Variants in EBF2 observed in about 807,000 individuals in gnomAD.
EBF2 encodes the protein transcription factor COE2.
A neutral mutation model predicts 72.8 loss-of-function variants in EBF2; 21 were observed. The ratio of observed to expected loss-of-function variants is 0.29; its 90% CI spans 0.20 to 0.42. The LOEUF (loss-of-function observed/expected upper bound fraction) is 0.42. Ranked by LOEUF, EBF2 falls within the 10% of genes least tolerant of loss-of-function variation. The probability of loss-of-function intolerance (pLI) is 1.00; values close to 1 mark genes in which losing one functional copy is unlikely to be tolerated. For missense variants in EBF2, 637 were observed against 731.2 expected, an observed-to-expected ratio of 0.87 and a Z score of 1.49; for synonymous variants, 299 against 274.2, an observed-to-expected ratio of 1.09 and a Z score of -0.89.
At chr8:25,964,581 G>A (rs1804085656) in intron 6 of EBF2, among the ~76,000 whole-genome samples, 1 of 152,162 alleles carries the variant, frequency 6.6e-6, no homozygotes, top group Non-Finnish European at 1.5e-5. Flanking sequence ...TGTTTAATGG[G>A]AGCGCCACAT....
At chr8:25,945,088 G>GCCCCCCCCCCCCCCCCCCCCCCC (rs11461828) in intron 6 of EBF2, among the ~76,000 whole-genome samples, 1 of 127,380 alleles carries the variant, frequency 7.9e-6, no homozygotes, top group Non-Finnish European at 1.6e-5. Context: ...TTGTTCTGTT[G>GCCCCCCCCCCCCCCCCCCCCCCC]CCCCCCCCGC....
chr8:25,934,128 A>C (rs915225793), intron 6 of EBF2, among the ~76,000 whole-genome samples: 1 of 151,750 alleles, frequency 6.6e-6, no homozygotes, highest in Non-Finnish European at 1.5e-5. Context: ...ATGGAAGTGC[A>C]CCTCCCTTTG....
At chr8:25,874,218 C>G (rs1161235002) in intron 10 of EBF2, among the ~76,000 whole-genome samples, 2 of 152,022 alleles carry the variant, frequency 1.3e-5, no homozygotes, top group African/African-American at 4.8e-5. Flanking sequence ...ATTTGAAATC[C>G]AGTTTGCACA....
chr8:26,020,697 T>A (rs1274321848), intron 6 of EBF2, among the ~76,000 whole-genome samples: 1 of 152,130 alleles, frequency 6.6e-6, no homozygotes, highest in Non-Finnish European at 1.5e-5. Flanking sequence ...TGGGGTTAAC[T>A]TTGCTGTCCC....
intron 10 of EBF2, among the ~76,000 whole-genome samples, chr8:25,866,462 T>A (rs1312101050): frequency 7.0e-5 from 10 of 142,462 alleles, no homozygotes; most frequent in East Asian, 5.9e-4. Context: ...ATATATATAA[T>A]ATATAGGATA....
At chr8:25,983,423 T>C (rs565708047) in intron 6 of EBF2, among the ~76,000 whole-genome samples, 28 of 152,346 alleles carry the variant, frequency 1.8e-4, no homozygotes, top group African/African-American at 6.3e-4. Flanking sequence ...TTCCAGACTT[T>C]TTTGTTTTGT....
intron 1 of EBF2, 82 bp from the exon 2 acceptor site, chr8:26,042,333 G>GAGGGGTA: frequency 6.7e-7 from 1 of 1,487,594 alleles, no homozygotes; most frequent in Non-Finnish European, 9.0e-7. Flanking sequence ...CAACACTGCA[G>GAGGGGTA]AGGGGTAAGG....
rs144885548 is a variant in EBF2 at position 25,844,167 on chromosome 8, A to G, written c.*442T>C. On this transcript the variant is annotated 3_prime_UTR_variant, in exon 16 of 16. Coordinates refer to ENST00000520164, the MANE Select transcript of EBF2 (RefSeq NM_022659.4). Reference sequence around the variant, plus strand: ...TCCGTGCTGGTACCCTGTTTTGTTCAATTTTTTTCTGCATAAACTAAATTG... The same window carrying G: ...TCCGTGCTGGTACCCTGTTTTGTTCGATTTTTTTCTGCATAAACTAAATTG... The G allele has an allele frequency of 8.5e-3, 1,326 of 156,116 alleles. 19 individuals carry two copies. The highest frequency in any genetic ancestry group is 0.03 in the African/African-American group (1,262 of 41,588). The allele number at this position is 156,116 out of a possible 1,614,324, so 9.7% of individuals were successfully genotyped here.
chr8:25,963,486 G>C (rs1804068937), intron 6 of EBF2, among the ~76,000 whole-genome samples: 2 of 152,272 alleles, frequency 1.3e-5, no homozygotes, highest in South Asian at 4.2e-4. Context: ...CAAAGCCCCG[G>C]TGCTGTCCTT....
chr8:25,987,281 G>A (rs118091868), intron 6 of EBF2, among the ~76,000 whole-genome samples: 2,334 of 152,238 alleles, frequency 0.015, 30 homozygotes, highest in Middle Eastern at 0.024. Flanking sequence ...CATGTATTGA[G>A]ACCTTAACTG....
At chr8:25,965,694 G>A (rs570737323) in intron 6 of EBF2, among the ~76,000 whole-genome samples, 2 of 152,274 alleles carry the variant, frequency 1.3e-5, no homozygotes, top group African/African-American at 4.8e-5. Flanking sequence ...AAGGCCACCA[G>A]AAGACATTAG....
chr8:25,902,310 AC>A (rs1802967172), intron 7 of EBF2, among the ~76,000 whole-genome samples: 1 of 152,052 alleles, frequency 6.6e-6, no homozygotes, highest in South Asian at 2.1e-4. Context: ...AACTAGACAT[AC>A]ATTTCTTTTC....
chr8:25,999,698 C>T (rs1254488644), intron 6 of EBF2, among the ~76,000 whole-genome samples: 1 of 151,746 alleles, frequency 6.6e-6, no homozygotes, highest in Non-Finnish European at 1.5e-5. Flanking sequence ...TCCACACACG[C>T]CCTCTCCTGT....
At chr8:25,908,339 GTT>G in intron 7 of EBF2, 133 bp downstream of exon 7, 1 of 670,686 alleles carries the variant, frequency 1.5e-6, no homozygotes. Context: ...GAGGGTCATC[GTT>G]TACCATTGTC....
intron 6 of EBF2, among the ~76,000 whole-genome samples, chr8:25,917,235 C>G (rs1248372848): frequency 6.7e-5 from 10 of 148,778 alleles, no homozygotes; most frequent in African/African-American, 9.9e-5. Context: ...TATATTCAGA[C>G]GCATCTTCAT....
In EBF2 at chr8:25,858,678, G is replaced by GAGAT. The variant is rs1242438532; in HGVS notation, c.1343-178_1343-175dup. Among the ~76,000 whole-genome samples the GAGAT allele has an allele frequency of 6.4e-4, 28 of 43,846 alleles. No individual in the cohort carries two copies. The East Asian group carries it at 7.5e-3, about 12-fold the overall frequency. 28.8% of individuals were successfully genotyped at this position (43,846 alleles called of 152,430 possible). A position where few individuals can be genotyped will look rare whatever the true frequency, so the allele number is the denominator to read the frequency against. ...TTTTTTTTTTTTTTTTTTTTTTTTTGAGATAGAGTCTTACTCTGTCGCTCA... is the reference window on the plus strand; with the variant it reads ...TTTTTTTTTTTTTTTTTTTTTTTTTGAGATAGATAGAGTCTTACTCTGTCGCTCA... On this transcript the variant is annotated intron_variant, in intron 13 of 15. Transcript: ENST00000520164.
chr8:25,879,319 G>A (rs1243533257), intron 10 of EBF2, among the ~76,000 whole-genome samples: 1 of 152,072 alleles, frequency 6.6e-6, no homozygotes, highest in Non-Finnish European at 1.5e-5. Context: ...ATCCCCTAAT[G>A]TACAATGAGG....
chr8:25,983,755 G>T (rs937056557), intron 6 of EBF2, among the ~76,000 whole-genome samples: 2 of 152,196 alleles, frequency 1.3e-5, no homozygotes, highest in Non-Finnish European at 2.9e-5. Context: ...AAACTCGCTG[G>T]GTGTGCCCAC....
intron 6 of EBF2, among the ~76,000 whole-genome samples, chr8:26,026,551 A>C (rs1241768516): frequency 1.3e-5 from 2 of 152,182 alleles, no homozygotes; most frequent in African/African-American, 4.8e-5. Flanking sequence ...CTTTTGCTGC[A>C]CTGCACTATC....
Sources: allele counts gnomAD v4.1 joint callset (sites outside exome capture counted in the v4.1 genomes callset), GRCh38; gene constraint gnomAD v4.1.1; transcripts MANE v1.5; gene names NCBI Gene and HGNC (gene_info 2026-07-23, HGNC 2026-07-21).